Variants in CDH12 observed in about 807,000 individuals in gnomAD.
CDH12 encodes the protein cadherin 12.
Under a neutral mutation model 74.1 loss-of-function variants are expected in CDH12, and 41 were observed. The observed-to-expected ratio is 0.55, with a 90% confidence interval of 0.43 to 0.72. The LOEUF (loss-of-function observed/expected upper bound fraction) is 0.72. Ranked by LOEUF, CDH12 falls within the 30% of genes least tolerant of loss-of-function variation. CDH12 has a pLI of 0.00. For synonymous variants in CDH12, 399 were observed against 355.0 expected (o/e 1.12, Z -1.39); for missense variants, 945 against 977.2 (o/e 0.97, Z 0.44).
intron 1 of CDH12, among the ~76,000 whole-genome samples, chr5:22,652,921 T>A (rs1214512425): frequency 1.3e-5 from 2 of 152,126 alleles, no homozygotes; most frequent in Non-Finnish European, 2.9e-5. Flanking sequence ...GAGATAACAT[T>A]GATTGGCTAA....
intron 3 of CDH12, among the ~76,000 whole-genome samples, chr5:22,222,539 AT>A (rs980044355): frequency 4.2e-4 from 64 of 151,916 alleles, no homozygotes; most frequent in African/African-American, 1.4e-3. Flanking sequence ...AGAATGAGTT[AT>A]TTTTTTCTTT....
chr5:22,682,862 A>C (rs1225026281), intron 1 of CDH12, among the ~76,000 whole-genome samples: 1 of 152,126 alleles, frequency 6.6e-6, no homozygotes, highest in Non-Finnish European at 1.5e-5. Context: ...TAAAGAATAA[A>C]TTAACAATTT....
In CDH12 at chr5:21,975,214, C is replaced by T. The variant is rs745431346; in HGVS notation, c.403G>A (p.Glu135Lys). Residue 135 changes from glutamate (E) to lysine (K), a missense_variant, in exon 6 of 15, where the codon GAA (glutamate) becomes AAA (lysine). Physicochemically the swap from Glu to Lys is moderately conservative, Grantham distance 56. Coordinates refer to ENST00000382254, the MANE Select transcript of CDH12 (RefSeq NM_004061.5). The stretch of plus-strand genomic sequence containing the variant: ...TCAGGCTCCAGGGGCTTTCTGGTTT[C>T]TATGTCCACAGCCTGAGCACGAAGA... ...YTLRAQAVDIETRKPLEPESE... is the reference protein window; with the variant it reads ...YTLRAQAVDIKTRKPLEPESE... 1.3e-6 allele frequency: 2 copies of T among 1,597,296 alleles called. No homozygotes were observed. The highest frequency in any genetic ancestry group is 1.1e-5 in the South Asian group (1 of 90,992).
chr5:22,113,954 C>T (rs1030065326), intron 4 of CDH12, among the ~76,000 whole-genome samples: 4 of 152,064 alleles, frequency 2.6e-5, no homozygotes, highest in Non-Finnish European at 5.9e-5. Flanking sequence ...TCTGGAGAGC[C>T]GGAGGGAAAA....
chr5:22,624,709 G>A (rs1738176932), intron 1 of CDH12, among the ~76,000 whole-genome samples: 1 of 152,212 alleles, frequency 6.6e-6, no homozygotes, highest in Admixed American at 6.5e-5. Context: ...TACACAGTTG[G>A]TGGGATTGTA....
chr5:22,343,283 T>TACACACACACACACACACAC (rs70959717), intron 3 of CDH12, among the ~76,000 whole-genome samples: 1 of 92,586 alleles, frequency 1.1e-5, no homozygotes, highest in African/African-American at 4.1e-5. Flanking sequence ...ACATAAACCC[T>TACACACACACACACACACAC]ACACACACAC....
At chr5:22,114,686 T>A (rs948727317) in intron 4 of CDH12, among the ~76,000 whole-genome samples, 1 of 152,198 alleles carries the variant, frequency 6.6e-6, no homozygotes, top group Non-Finnish European at 1.5e-5. Flanking sequence ...GGAAGAGTAG[T>A]GTTGTGGTTT....
intron 5 of CDH12, among the ~76,000 whole-genome samples, chr5:22,006,076 T>G (rs1231571642): frequency 6.6e-6 from 1 of 152,228 alleles, no homozygotes; most frequent in African/African-American, 2.4e-5. Context: ...GACCTGATTT[T>G]CTGTCTCCTC....
intron 6 of CDH12, chr5:21,882,558 C>T (rs1417276420): frequency 1.5e-6 from 2 of 1,323,668 alleles, no homozygotes; most frequent in Non-Finnish European, 1.1e-6. Flanking sequence ...TGTCTCGCCG[C>T]GCGCATGCCC....
intron 1 of CDH12, among the ~76,000 whole-genome samples, chr5:22,660,393 G>A (rs1173075948): frequency 4.6e-5 from 7 of 152,152 alleles, no homozygotes; most frequent in Non-Finnish European, 8.8e-5. Context: ...ATTCCAACGT[G>A]AAGAGATTAA....
intron 4 of CDH12, among the ~76,000 whole-genome samples, chr5:22,119,285 G>GT (rs397996987): frequency 0.019 from 1,857 of 99,004 alleles, 72 homozygotes; most frequent in African/African-American, 0.056. Flanking sequence ...CTTCTACTTC[G>GT]TTTTTTTTTT....
chr5:21,906,727 C>T (rs1753657881), intron 6 of CDH12, among the ~76,000 whole-genome samples: 1 of 152,178 alleles, frequency 6.6e-6, no homozygotes. Context: ...CATGTTTTTC[C>T]ACCCTGGATG....
At chr5:22,474,647 A>C (rs1429651323) in intron 2 of CDH12, among the ~76,000 whole-genome samples, 25 of 152,140 alleles carry the variant, frequency 1.6e-4, no homozygotes, top group Admixed American at 1.6e-3. Flanking sequence ...ATGACCAGAG[A>C]GACAGATAGC....
rs1047319017 is a variant in CDH12, at chr5:22,515,225, T to C, written c.-522-9861A>G. On this transcript the variant is annotated intron_variant, in intron 1 of 14. Transcript: ENST00000382254. The stretch of plus-strand genomic sequence containing the variant: ...ATAAGTGGGAAGACATATCCTGTCA[T>C]TGAATCGGATTTAAGTATATACCAA... 3.9e-5 allele frequency among the ~76,000 whole-genome samples: 6 copies of C among 152,278 alleles called. No individual in the cohort carries two copies. The South Asian group carries it at 6.2e-4, about 16-fold the overall frequency.
At chr5:21,752,803 G>T (rs1744173413) in intron 14 of CDH12, among the ~76,000 whole-genome samples, 1 of 151,664 alleles carries the variant, frequency 6.6e-6, no homozygotes, top group Non-Finnish European at 1.5e-5. Flanking sequence ...AGTAGAGGAA[G>T]GAAGGAAGTA....
chr5:22,680,811 T>C (rs1226996322), intron 1 of CDH12, among the ~76,000 whole-genome samples: 1 of 149,022 alleles, frequency 6.7e-6, no homozygotes, highest in East Asian at 1.9e-4. Flanking sequence ...ATGGAGCATT[T>C]ACTAATCTTC....
chr5:21,797,007 G>A (rs1746817306), intron 10 of CDH12, among the ~76,000 whole-genome samples: 1 of 152,110 alleles, frequency 6.6e-6, no homozygotes, highest in Non-Finnish European at 1.5e-5. Flanking sequence ...GAAATCTAGT[G>A]CATCAAAAGG....
intron 5 of CDH12, among the ~76,000 whole-genome samples, chr5:22,045,600 G>C: frequency 1.0e-5 from 1 of 98,754 alleles, no homozygotes. Flanking sequence ...ACACTATTCA[G>C]CCAAAAAAAA....
chr5:22,650,144 A>G (rs766802221), intron 1 of CDH12, among the ~76,000 whole-genome samples: 17 of 152,064 alleles, frequency 1.1e-4, no homozygotes, highest in Non-Finnish European at 2.1e-4. Context: ...ATATGCCTAT[A>G]TAACAAAATT....
Sources: allele counts gnomAD v4.1 joint callset (sites outside exome capture counted in the v4.1 genomes callset), GRCh38; gene constraint gnomAD v4.1.1; transcripts MANE v1.5; gene names NCBI Gene and HGNC (gene_info 2026-07-23, HGNC 2026-07-21).